Variants in RPE65 observed in about 807,000 individuals in gnomAD.
The protein encoded by RPE65 is retinoid isomerohydrolase.
A neutral mutation model predicts 68.5 loss-of-function variants in RPE65; 58 were observed. The ratio of observed to expected loss-of-function variants is 0.85; its 90% confidence interval spans 0.69 to 1.05. RPE65 has a LOEUF of 1.05. Ranked by LOEUF, RPE65 falls within the 50% of genes least tolerant of loss-of-function variation. The pLI is 0.00. For missense variants in RPE65, 643 were observed against 629.9 expected (o/e 1.02, Z -0.22); for synonymous variants, 220 against 222.2 (o/e 0.99, Z 0.09).
chr1:68,429,905 C>G lies in RPE65; in HGVS notation c.1473G>C (p.Val491=), dbSNP rs748413171. Reference sequence around the variant, plus strand: ...CAGGCTTTTGTCCTGCTCCTGGGCTCACCACCACACTCAGAACTACACCTG... The same window carrying G: ...CAGGCTTTTGTCCTGCTCCTGGGCTGACCACCACACTCAGAACTACACCTG... The part of the protein sequence containing the change: ...EDDGVVLSVV[V]SPGAGQKPAY... The change falls in exon 14 of 14, where the codon GTG becomes GTC. Residue 491 remains valine, a synonymous_variant. Coordinates refer to ENST00000262340, the MANE Select transcript of RPE65 (RefSeq NM_000329.3). 4.3e-6 allele frequency: 7 copies of G among 1,613,452 alleles called. No individual in the cohort carries two copies. The highest frequency in any genetic ancestry group is 3.3e-5 in the Admixed American group (2 of 59,924).
intron 3 of RPE65, among the ~76,000 whole-genome samples, chr1:68,445,254 C>T (rs1266512296): frequency 6.6e-6 from 1 of 152,054 alleles, no homozygotes; most frequent in Non-Finnish European, 1.5e-5. Flanking sequence ...ACCCCCATCA[C>T]CTATAACCTA....
intron 10 of RPE65, among the ~76,000 whole-genome samples, chr1:68,432,846 A>G (rs1645836594): frequency 6.6e-6 from 1 of 152,170 alleles, no homozygotes; most frequent in Non-Finnish European, 1.5e-5. Context: ...AAAGAAAACA[A>G]TGGTTCACAC....
intron 5 of RPE65, among the ~76,000 whole-genome samples, chr1:68,443,018 C>T (rs1469425242): frequency 1.3e-5 from 2 of 152,150 alleles, no homozygotes; most frequent in Non-Finnish European, 2.9e-5. Context: ...CCCAGCTATA[C>T]TGTATCTCTT....
intron 10 of RPE65, among the ~76,000 whole-genome samples, chr1:68,437,864 G>A (rs1645872077): frequency 6.6e-6 from 1 of 152,144 alleles, no homozygotes; most frequent in Non-Finnish European, 1.5e-5. Context: ...TATTGATAAA[G>A]TATCATAGGA....
At chr1:68,438,401 C>T in intron 9 of RPE65, 85 bp from the exon 10 acceptor site, 3 of 1,485,900 alleles carry the variant, frequency 2.0e-6, no homozygotes, top group Non-Finnish European at 2.8e-6. Context: ...AGCACAAGTG[C>T]CTGCCTGTTC....
At chr1:68,446,045 A>G (rs1171016686) in intron 3 of RPE65, among the ~76,000 whole-genome samples, 2 of 152,088 alleles carry the variant, frequency 1.3e-5, no homozygotes, top group African/African-American at 4.8e-5. Context: ...AGGCTTGAAC[A>G]CGAAAGCAGA....
In RPE65 at chr1:68,444,727, A is replaced by G. The variant is rs750452715; in HGVS notation, c.353+49T>C. On this transcript the variant is annotated intron_variant, in intron 4 of 13. Transcript: ENST00000262340. The stretch of plus-strand genomic sequence containing the variant: ...GTAATTTTCAAGCCATGAGAGAAAA[A>G]GGGCTAATATAAAATGTCTTGAGTA... The G allele has an allele frequency of 5.6e-6, 9 of 1,613,620 alleles. No individual in the cohort carries two copies. In the South Asian group the frequency reaches 8.8e-5, roughly 16 times the overall value.
intron 13 of RPE65, among the ~76,000 whole-genome samples, chr1:68,430,447 A>G (rs1645817932): frequency 6.6e-6 from 1 of 152,220 alleles, no homozygotes; most frequent in African/African-American, 2.4e-5. Context: ...GATATATAAA[A>G]TCATTTAGTG....
At chr1:68,430,350 A>G (rs1459690538) in intron 13 of RPE65, among the ~76,000 whole-genome samples, 4 of 152,232 alleles carry the variant, frequency 2.6e-5, no homozygotes, top group African/African-American at 9.6e-5. Context: ...AAGCAGTAAG[A>G]TATATCATAT....
chr1:68,428,921 A>T lies in RPE65; in HGVS notation c.*855T>A, dbSNP rs1204497907. On this transcript the variant is annotated 3_prime_UTR_variant, in exon 14 of 14. Coordinates refer to ENST00000262340, the MANE Select transcript of RPE65 (RefSeq NM_000329.3). The stretch of plus-strand genomic sequence containing the variant: ...TTAATACCTCAATGTTAATAATTTA[A>T]TATTTTTCCCAAGTGATTGCACAAT... The T allele has an allele frequency of 1.3e-5, 2 of 152,186 alleles. No individual in the cohort carries two copies. 9.4% of individuals were successfully genotyped at this position (152,186 alleles called of 1,614,324 possible).
rs2100831568 is a variant in RPE65, at chr1:68,446,865, G to A, written c.95-5C>T. On this transcript the variant is annotated splice_polypyrimidine_tract_variant and splice_region_variant and intron_variant, in intron 2 of 13. Coordinates refer to ENST00000262340, the MANE Select transcript of RPE65 (RefSeq NM_000329.3). ...TGAGCCAGAGGGGGATCCTGCCTGT[G>A]ATGAAGGGGAGACAGAACATTGCTT... 5 of 1,613,214 alleles carry A rather than the reference G, an allele frequency of 3.1e-6. No homozygotes were observed. In the South Asian group the frequency reaches 4.4e-5, roughly 14 times the overall value.
chr1:68,431,386 A>G lies in RPE65; in HGVS notation c.1244-10T>C. ...TGAGGAAACTCAAATGCTACGAAAT[A>G]GAGCACATGCTTAGGAAAACTCTTA... On this transcript the variant is annotated splice_polypyrimidine_tract_variant and intron_variant, in intron 11 of 13. Transcript: ENST00000262340. 6.2e-7 allele frequency: 1 copy of G among 1,613,660 alleles called. No individual in the cohort carries two copies. Among genetic ancestry groups the G allele is most frequent in the Non-Finnish European group, 8.5e-7 (1 of 1,179,674 alleles).
chr1:68,448,703 A>C lies in RPE65; in HGVS notation c.15T>G (p.Val5=). 3.7e-6 allele frequency: 6 copies of C among 1,613,218 alleles called. No homozygotes were observed. Among genetic ancestry groups the C allele is most frequent in the Non-Finnish European group, 5.1e-6 (6 of 1,179,554 alleles). MSIQ[V]EHPAGGYKKL... is the part of the protein sequence containing the mutation. ...TCTTGTAACCACCAGCAGGATGCTCAACCCTGAAATGGTGGAAGAATAAGG... is the reference window on the plus strand; with the variant it reads ...TCTTGTAACCACCAGCAGGATGCTCCACCCTGAAATGGTGGAAGAATAAGG... The change falls in exon 2 of 14, where the codon GTT becomes GTG. Residue 5 remains valine, a synonymous_variant. Coordinates refer to ENST00000262340, the MANE Select transcript of RPE65 (RefSeq NM_000329.3).
chr1:68,440,753 C>T (rs1273930053), intron 6 of RPE65, 100 bp downstream of exon 6: 14 of 1,477,456 alleles, frequency 9.5e-6, no homozygotes, highest in Admixed American at 1.7e-5. Context: ...TTTAACTATG[C>T]ACAAAATGCT....
intron 6 of RPE65, among the ~76,000 whole-genome samples, chr1:68,440,082 G>A (rs1645889304): frequency 6.6e-6 from 1 of 152,104 alleles, no homozygotes; most frequent in African/African-American, 2.4e-5. Context: ...TAAGTGAATG[G>A]TCCTCAAACT....
In RPE65 at chr1:68,431,071, C is replaced by A. The variant is rs2100806802; in HGVS notation, c.1444G>T (p.Asp482Tyr). ...FVSHPDALEE[D>Y]DGVVLSVVVS... ...CAACAATTGCTTTCATTACCATCAT[C>A]TTCTTCCAAGGCATCTGGGTGAGAA... The change falls in exon 13 of 14, where the codon GAT becomes TAT. Residue 482 changes from aspartate to tyrosine, a missense_variant. Coordinates refer to ENST00000262340, the MANE Select transcript of RPE65 (RefSeq NM_000329.3). The A allele has an allele frequency of 6.2e-7, 1 of 1,613,258 alleles. No individual in the cohort carries two copies. The highest frequency in any genetic ancestry group is 8.5e-7 in the Non-Finnish European group (1 of 1,179,314).
intron 10 of RPE65, among the ~76,000 whole-genome samples, chr1:68,435,111 C>A (rs1429876574): frequency 2.6e-5 from 4 of 152,070 alleles, no homozygotes; most frequent in African/African-American, 7.2e-5. Flanking sequence ...CACCGTATAA[C>A]CCTCACCTGC....
In RPE65 at chr1:68,449,898, A is replaced by T. The variant is rs534901182; in HGVS notation, c.8T>A (p.Ile3Asn). 1 of 1,614,178 alleles carries T rather than the reference A, an allele frequency of 6.2e-7. No individual in the cohort carries two copies. Reference sequence around the variant, plus strand: ...AAAGTCTCCCAGAGATACTTACTGGATAGACATTTTCTTCCAGTTCAGGAT... The same window carrying T: ...AAAGTCTCCCAGAGATACTTACTGGTTAGACATTTTCTTCCAGTTCAGGAT... MS[I>N]QVEHPAGGYK... The change falls in exon 1 of 14, where the codon ATC (isoleucine) becomes AAC (asparagine). Residue 3 changes from isoleucine (I) to asparagine (N), a missense_variant. Physicochemically the swap from Ile to Asn is moderately radical, Grantham distance 149. Transcript: ENST00000262340.
rs1381189679 is a variant in RPE65, at chr1:68,439,058, T to G, written c.882A>C (p.Lys294Asn). 6.2e-7 allele frequency: 1 copy of G among 1,614,116 alleles called. No homozygotes were observed. The change falls in exon 9 of 14, where the codon AAA becomes AAC. Residue 294 changes from lysine to asparagine, a missense_variant. Coordinates refer to ENST00000262340, the MANE Select transcript of RPE65 (RefSeq NM_000329.3). ...TMGVWLHIAD[K>N]KRKKYLNNKY... ...TATTATTGAGGTACTTTTTCCTTTT[T>G]TTGTCAGCAATATGAAGCCAAACCT...
Sources: allele counts gnomAD v4.1 joint callset (sites outside exome capture counted in the v4.1 genomes callset), GRCh38; gene constraint gnomAD v4.1.1; transcripts MANE v1.5; gene names NCBI Gene and HGNC (gene_info 2026-07-23, HGNC 2026-07-21).